Variants in WNK2 observed in about 807,000 individuals in gnomAD.
The protein encoded by WNK2 is serine/threonine-protein kinase WNK2.
Under a neutral mutation model 192.1 loss-of-function variants are expected in WNK2, and 67 were observed. The observed-to-expected ratio is 0.35, with a 90% confidence interval of 0.29 to 0.43. The LOEUF (loss-of-function observed/expected upper bound fraction) is 0.43, where lower values mean the gene tolerates loss of function less well. Ranked by LOEUF, WNK2 falls within the 20% of genes least tolerant of loss-of-function variation. The probability of loss-of-function intolerance (pLI) is 1.00; values close to 1 mark genes in which losing one functional copy is unlikely to be tolerated. For synonymous variants in WNK2, 1,439 were observed against 1,393.9 expected (o/e 1.03, Z -0.72); for missense variants, 2,698 against 3,089.7 (o/e 0.87, Z 3.01).
At chr9:93,207,390 G>C (rs975727543) in intron 2 of WNK2, among the ~76,000 whole-genome samples, 2 of 152,156 alleles carry the variant, frequency 1.3e-5, no homozygotes, top group African/African-American at 4.8e-5. Context: ...CAGACCTTCA[G>C]CTCCCCACCA....
At position 93,289,376 on chromosome 9, in the gene WNK2, G is replaced by A; in HGVS notation, c.4622G>A (p.Arg1541Lys). Residue 1541 changes from arginine (R) to lysine (K), a missense_variant, in exon 20 of 30, where the codon AGG becomes AAG. By Grantham distance (26) the Arg-to-Lys change is conservative (BLOSUM62 2). Transcript: ENST00000427277. Reference protein sequence around the residue: ...LESDGEGPPPRVGFVDSTIKS... With the variant: ...LESDGEGPPPKVGFVDSTIKS... ...TCGGATGGGGAAGGGCCGCCCCCCA[G>A]GGTGGGCTTTGTGGACAGCACCATC... The A allele has an allele frequency of 6.2e-7, 1 of 1,612,394 alleles. No individual in the cohort carries two copies.
chr9:93,191,790 T>A (rs999792357), intron 2 of WNK2, among the ~76,000 whole-genome samples: 1 of 151,836 alleles, frequency 6.6e-6, no homozygotes, highest in African/African-American at 2.4e-5. Flanking sequence ...GCACTTAGGT[T>A]GAGACGGGTG....
chr9:93,234,567 A>T (rs1263204650), intron 4 of WNK2, among the ~76,000 whole-genome samples: 1 of 152,152 alleles, frequency 6.6e-6, no homozygotes, highest in Admixed American at 6.5e-5. Flanking sequence ...TGGCTCTGTC[A>T]CCTGATTTCT....
chr9:93,245,808 G>T (rs1432608053), intron 7 of WNK2, among the ~76,000 whole-genome samples: 1 of 152,222 alleles, frequency 6.6e-6, no homozygotes, highest in Non-Finnish European at 1.5e-5. Context: ...AGAGGTCAGG[G>T]ATCAGGTGCC....
In WNK2 at chr9:93,259,277, C is replaced by G; in HGVS notation, c.2729C>G (p.Pro910Arg). The G allele has an allele frequency of 4.3e-6, 7 of 1,613,680 alleles. No homozygotes were observed. The highest frequency in any genetic ancestry group is 5.9e-6 in the Non-Finnish European group (7 of 1,179,810). Reference protein sequence around the residue: ...HSAVAQLPGQPVYPAAFPQMA... With the variant: ...HSAVAQLPGQRVYPAAFPQMA... The stretch of plus-strand genomic sequence containing the variant: ...GCCGTGGCCCAGCTCCCAGGCCAAC[C>G]TGTGTACCCAGCGGCCTTCCCACAG... The change falls in exon 12 of 30, where the codon CCT (proline) becomes CGT (arginine). Residue 910 changes from proline (P) to arginine (R), a missense_variant. Pro to Arg is a moderately radical substitution (Grantham distance 103). Transcript: ENST00000427277. This position sits in a 1 kb window ranked among gnomAD's most constrained non-coding sequence, Gnocchi z 4.8.
chr9:93,305,019 AGT>A (rs1276048112), intron 26 of WNK2, among the ~76,000 whole-genome samples: 1 of 152,214 alleles, frequency 6.6e-6, no homozygotes, highest in Non-Finnish European at 1.5e-5. Context: ...TTCCCAGGAC[AGT>A]GAGTGAGTCC....
At chr9:93,226,675 A>AT (rs1286760487) in intron 2 of WNK2, among the ~76,000 whole-genome samples, 1 of 152,182 alleles carries the variant, frequency 6.6e-6, no homozygotes, top group Non-Finnish European at 1.5e-5. Context: ...CATCCCCCAG[A>AT]TATTAGTCTG....
rs781062364 is a variant in WNK2 at position 93,247,568 on chromosome 9, G to C, written c.1568G>C (p.Ser523Thr). 6.2e-7 allele frequency: 1 copy of C among 1,610,254 alleles called. No individual in the cohort carries two copies. The highest frequency in any genetic ancestry group is 1.1e-5 in the South Asian group (1 of 90,030). Reference protein sequence around the residue: ...EMIESGFFHESDVKIVAKSIR... With the variant: ...EMIESGFFHETDVKIVAKSIR... ...ATTGAGTCTGGATTCTTCCACGAGAGTGACGTCAAGATCGTGGCCAAGTCC... is the reference window on the plus strand; with the variant it reads ...ATTGAGTCTGGATTCTTCCACGAGACTGACGTCAAGATCGTGGCCAAGTCC... Residue 523 changes from serine to threonine, a missense_variant, in exon 8 of 30, where the codon AGT becomes ACT. Around this residue, in one of 7 missense-constraint regions of WNK2, gnomAD observed 230 missense variants for 501.1 expected, o/e 0.46. Transcript: ENST00000427277. This position sits in a 1 kb window ranked among gnomAD's most constrained non-coding sequence, Gnocchi z 5.2.
intron 2 of WNK2, among the ~76,000 whole-genome samples, chr9:93,224,393 C>T (rs1837454179): frequency 6.6e-6 from 1 of 152,194 alleles, no homozygotes; most frequent in African/African-American, 2.4e-5. Flanking sequence ...AGACACCCTG[C>T]CATGTTCAGG....
Position 93,261,960 on chromosome 9 carries a change from C to T in WNK2, c.3213C>T (p.Ser1071=). The change falls in exon 13 of 30, where the codon AGC becomes AGT. Residue 1071 remains serine, a synonymous_variant. Coordinates refer to ENST00000427277, the MANE Select transcript of WNK2 (RefSeq NM_006648.4). ...CTGAGCTCCTGCCTCAGTTCCCCAG[C>T]TCCCTGGCCACGGTGTCTGCCTCTG... ...AAPELLPQFP[S]SLATVSASVQ... The T allele has an allele frequency of 6.2e-7, 1 of 1,611,834 alleles. No homozygotes were observed. Among genetic ancestry groups the T allele is most frequent in the East Asian group, 2.2e-5 (1 of 44,868 alleles).
At chr9:93,297,721 C>T (rs1281640565) in intron 23 of WNK2, 132 bp from the exon 24 acceptor site, 2 of 894,384 alleles carry the variant, frequency 2.2e-6, no homozygotes, top group Non-Finnish European at 3.4e-6. Flanking sequence ...TTAGAGTGGC[C>T]CAGGCCAAGG....
chr9:93,279,018 A>G (rs1050588583), intron 19 of WNK2, among the ~76,000 whole-genome samples: 2 of 152,214 alleles, frequency 1.3e-5, no homozygotes, highest in Non-Finnish European at 2.9e-5. Context: ...TACAGGCAAC[A>G]TCATACTTAA....
At chr9:93,221,862 C>T (rs974934357) in intron 2 of WNK2, among the ~76,000 whole-genome samples, 1 of 152,132 alleles carries the variant, frequency 6.6e-6, no homozygotes, top group Non-Finnish European at 1.5e-5. Context: ...GTGTTTATTC[C>T]CGTGTTTAGA....
intron 7 of WNK2, among the ~76,000 whole-genome samples, chr9:93,246,462 AGTCT>A (rs1301260622): frequency 6.6e-6 from 1 of 152,210 alleles, no homozygotes. Flanking sequence ...CTGCCTGTGC[AGTCT>A]GTCTGTGTTT....
chr9:93,271,472 G>A (rs1466427723), intron 19 of WNK2, among the ~76,000 whole-genome samples: 1 of 152,176 alleles, frequency 6.6e-6, no homozygotes, highest in Non-Finnish European at 1.5e-5. Context: ...AAACTTTAAA[G>A]CAACTGTTAT....
rs1320759366 is a variant in WNK2 at position 93,185,511 on chromosome 9, C to T, written c.582C>T (p.Phe194=). Residue 194 remains phenylalanine, a synonymous_variant, in exon 2 of 30, where the codon TTC becomes TTT. Transcript: ENST00000427277. ...KAVATSLDGR[F]LKFDIELGRG... Reference sequence around the variant, plus strand: ...TGGCCACCTCTCTGGACGGCCGCTTCCTCAAGTTCGACATCGAGCTGGGCC... The same window carrying T: ...TGGCCACCTCTCTGGACGGCCGCTTTCTCAAGTTCGACATCGAGCTGGGCC... 4 of 1,613,028 alleles carry T rather than the reference C, an allele frequency of 2.5e-6. No homozygotes were observed. The highest frequency in any genetic ancestry group is 3.4e-6 in the Non-Finnish European group (4 of 1,179,758).
At chr9:93,293,930 G>T (rs542996810) in intron 23 of WNK2, among the ~76,000 whole-genome samples, 57 of 150,650 alleles carry the variant, frequency 3.8e-4, no homozygotes, top group African/African-American at 1.3e-3. Flanking sequence ...TCCTTTCTTT[G>T]TCTCTGTCTC....
At chr9:93,204,531 C>T (rs923027290) in intron 2 of WNK2, among the ~76,000 whole-genome samples, 4 of 152,174 alleles carry the variant, frequency 2.6e-5, no homozygotes, top group African/African-American at 4.8e-5. Flanking sequence ...AAACTGTTGT[C>T]GGGTACCCAA....
chr9:93,255,839 G>A (rs1843204548), intron 9 of WNK2, among the ~76,000 whole-genome samples: 2 of 152,184 alleles, frequency 1.3e-5, no homozygotes, highest in Admixed American at 6.5e-5. Context: ...TGAGAGCTTA[G>A]ATTTCCCATT....
Sources: allele counts gnomAD v4.1 joint callset (sites outside exome capture counted in the v4.1 genomes callset), GRCh38; gene constraint gnomAD v4.1.1; regional missense constraint gnomAD v4.1.1; non-coding constraint Gnocchi (gnomAD v3.1); transcripts MANE v1.5; gene names NCBI Gene and HGNC (gene_info 2026-07-23, HGNC 2026-07-21).